Variants in CCDC141 observed in about 807,000 individuals in gnomAD.
The protein encoded by CCDC141 is coiled-coil domain containing 141.
A neutral mutation model predicts 181.0 loss-of-function variants in CCDC141; 168 were observed. The ratio of observed to expected loss-of-function variants is 0.93; its 90% CI spans 0.82 to 1.05. The LOEUF is 1.05. Among genes scored for constraint, CCDC141 ranks in the 50% least tolerant of loss-of-function variants. CCDC141 has a pLI of 0.00. For synonymous variants in CCDC141, 666 were observed against 642.3 expected (o/e 1.04, Z -0.56); for missense variants, 1,902 against 1,788.5 (o/e 1.06, Z -1.14).
intron 7 of CCDC141, among the ~76,000 whole-genome samples, chr2:178,906,915 T>C (rs1239851715): frequency 6.6e-6 from 1 of 152,150 alleles, no homozygotes. Context: ...GGGTGAGATC[T>C]AGTGGCAGAA....
intron 17 of CCDC141, among the ~76,000 whole-genome samples, chr2:178,863,518 A>C (rs948864057): frequency 6.6e-6 from 1 of 152,252 alleles, no homozygotes; most frequent in South Asian, 2.1e-4. Flanking sequence ...AATAATGTCT[A>C]GATAGCAAAT....
chr2:179,017,155 C>G (rs2042565510), intron 2 of CCDC141, among the ~76,000 whole-genome samples: 1 of 151,938 alleles, frequency 6.6e-6, no homozygotes, highest in African/African-American at 2.4e-5. Flanking sequence ...TTATTTACAA[C>G]AAAAGAAAGT....
At chr2:178,873,191 G>C (rs1382003627) in intron 12 of CCDC141, 3 of 151,816 alleles carry the variant, frequency 2.0e-5, no homozygotes, top group Non-Finnish European at 4.4e-5. Context: ...ATACTTAACA[G>C]GATATTTTAA....
intron 8 of CCDC141, among the ~76,000 whole-genome samples, chr2:178,898,836 G>T (rs1166324569): frequency 6.6e-6 from 1 of 152,042 alleles, no homozygotes; most frequent in Non-Finnish European, 1.5e-5. Context: ...TCAGATCAAA[G>T]GGCCTCTGAA....
chr2:178,825,678 G>T (rs145311180), downstream of CCDC141, among the ~76,000 whole-genome samples: 1 of 131,104 alleles, frequency 7.6e-6, no homozygotes, highest in African/African-American at 3.0e-5. Flanking sequence ...GTGACATGTC[G>T]CAACTAGATT....
chr2:179,040,897 C>G (rs1293484963), intron 2 of CCDC141, among the ~76,000 whole-genome samples: 2 of 152,244 alleles, frequency 1.3e-5, no homozygotes, highest in Admixed American at 6.5e-5. Flanking sequence ...TGGGTATATA[C>G]CTAGTAATGG....
intron 7 of CCDC141, among the ~76,000 whole-genome samples, chr2:178,917,769 T>C (rs1415914020): frequency 6.6e-6 from 1 of 152,194 alleles, no homozygotes; most frequent in Non-Finnish European, 1.5e-5. Context: ...CTGCAATCAA[T>C]GTCCAATGAA....
chr2:178,967,120 C>T (rs1420293487), intron 4 of CCDC141, among the ~76,000 whole-genome samples: 6 of 152,028 alleles, frequency 3.9e-5, no homozygotes, highest in Admixed American at 2.0e-4. Context: ...ACCAAATCTA[C>T]GTTTGATTGG....
At chr2:178,919,200 C>T (rs1670446306) in intron 6 of CCDC141, among the ~76,000 whole-genome samples, 1 of 152,178 alleles carries the variant, frequency 6.6e-6, no homozygotes, top group East Asian at 1.9e-4. Flanking sequence ...GACAATGAGA[C>T]ATAAATATCT....
chr2:178,962,634 C>G (rs1690456814), intron 4 of CCDC141, among the ~76,000 whole-genome samples: 1 of 95,936 alleles, frequency 1.0e-5, no homozygotes, highest in African/African-American at 4.6e-5. Flanking sequence ...TTCCTTCTTT[C>G]TTTCCTTTCC....
chr2:178,899,488 T>C (rs762174854), intron 8 of CCDC141, among the ~76,000 whole-genome samples: 3 of 152,162 alleles, frequency 2.0e-5, no homozygotes, highest in Admixed American at 6.5e-5. Context: ...TTAAAAAAAC[T>C]CTATAAAATG....
chr2:179,017,468 C>A (rs2042576617), intron 2 of CCDC141, among the ~76,000 whole-genome samples: 1 of 152,032 alleles, frequency 6.6e-6, no homozygotes, highest in African/African-American at 2.4e-5. Flanking sequence ...CAAATCATTT[C>A]TGTGCCCTTC....
Position 178,926,301 on chromosome 2 carries a change from T to C in CCDC141, c.898-7394A>G, listed in dbSNP as rs1688907014. Among the ~76,000 whole-genome samples the C allele has an allele frequency of 2.6e-5, 4 of 152,324 alleles. No homozygotes were observed. The South Asian group carries it at 8.3e-4, about 32-fold the overall frequency. On this transcript the variant is annotated intron_variant, in intron 6 of 23. Coordinates refer to ENST00000443758, the MANE Select transcript of CCDC141 (RefSeq NM_173648.4). ...AATATTTGATTTAGAATAATTGATA[T>C]ATAATTATACCAAAAATTGGAAGAT...
At chr2:178,922,892 C>T (rs1275886289) in intron 6 of CCDC141, among the ~76,000 whole-genome samples, 3 of 152,194 alleles carry the variant, frequency 2.0e-5, no homozygotes, top group Admixed American at 6.5e-5. Flanking sequence ...TCTCCATCCC[C>T]AGTCTTCTTA....
At chr2:178,898,349 C>G (rs957952827) in intron 8 of CCDC141, among the ~76,000 whole-genome samples, 4 of 152,158 alleles carry the variant, frequency 2.6e-5, no homozygotes, top group Non-Finnish European at 5.9e-5. Context: ...TGTGGCCACC[C>G]AATCTTGGCC....
chr2:178,905,596 A>G (rs1575198428), intron 7 of CCDC141, 95 bp from the exon 8 acceptor site: 2 of 1,107,660 alleles, frequency 1.8e-6, no homozygotes, highest in South Asian at 3.7e-5. Flanking sequence ...CAGGCCAAAC[A>G]ATTTGTTAGT....
At chr2:178,817,481 C>T in the CCDC141 span, 1 of 470,492 alleles carries the variant, frequency 2.1e-6, no homozygotes, top group African/African-American at 2.0e-5. Flanking sequence ...AGTTATGAAA[C>T]ACAATATATT....
intron 2 of CCDC141, among the ~76,000 whole-genome samples, chr2:178,999,043 G>A (rs1055473149): frequency 5.9e-5 from 9 of 152,160 alleles, no homozygotes; most frequent in East Asian, 1.9e-4. Context: ...AAAGTGTAGC[G>A]GTCATTATTC....
chr2:178,865,863 C>T lies in CCDC141; in HGVS notation c.2628G>A (p.Glu876=), dbSNP rs775100190. 2.5e-6 allele frequency: 4 copies of T among 1,604,440 alleles called. No individual in the cohort carries two copies. In the South Asian group the frequency reaches 3.4e-5, roughly 13 times the overall value. ...KNLQQQLELL[E]EDSMKWRAKA... is the part of the protein sequence containing the mutation. ...TGGCACGCCACTTCATGCTGTCCTCCTCAAGGAGCTCCAGCTGCTGCTGTA... is the reference window on the plus strand; with the variant it reads ...TGGCACGCCACTTCATGCTGTCCTCTTCAAGGAGCTCCAGCTGCTGCTGTA... The change falls in exon 17 of 24, where the codon GAG becomes GAA. Residue 876 remains glutamate, a synonymous_variant. Coordinates refer to ENST00000443758, the MANE Select transcript of CCDC141 (RefSeq NM_173648.4).
Sources: allele counts gnomAD v4.1 joint callset (sites outside exome capture counted in the v4.1 genomes callset), GRCh38; gene constraint gnomAD v4.1.1; transcripts MANE v1.5; gene names NCBI Gene and HGNC (gene_info 2026-07-23, HGNC 2026-07-21).